The following TRHDE variants were observed in gnomAD, a reference collection of about 807,000 sequenced individuals.
TRHDE encodes the protein thyrotropin releasing hormone degrading enzyme.
A neutral mutation model predicts 125.7 loss-of-function variants in TRHDE; 72 were observed. The ratio of observed to expected loss-of-function variants is 0.57; its 90% CI spans 0.47 to 0.70. The LOEUF (loss-of-function observed/expected upper bound fraction) is 0.70. Among genes scored for constraint, TRHDE ranks in the 30% least tolerant of loss-of-function variants. TRHDE has a pLI of 0.00. For synonymous variants in TRHDE, 509 were observed against 509.1 expected (o/e 1.00, Z 0.00); for missense variants, 1,110 against 1,327.1 (o/e 0.84, Z 2.54).
intron 7 of TRHDE, among the ~76,000 whole-genome samples, chr12:72,556,145 A>G (rs1869911513): frequency 6.6e-6 from 1 of 152,204 alleles, no homozygotes; most frequent in African/African-American, 2.4e-5. Context: ...GATGTACTAA[A>G]TAGAATTTAG....
chr12:72,415,707 C>A (rs1362331188), intron 3 of TRHDE, among the ~76,000 whole-genome samples: 1 of 151,910 alleles, frequency 6.6e-6, no homozygotes, highest in African/African-American at 2.4e-5. Flanking sequence ...CACACTGTTG[C>A]AGATGATAGG....
chr12:72,630,562 C>T (rs1048304346), intron 15 of TRHDE, among the ~76,000 whole-genome samples: 5 of 151,788 alleles, frequency 3.3e-5, no homozygotes, highest in Non-Finnish European at 5.9e-5. Flanking sequence ...CACACACCTT[C>T]AGTCTCTGCC....
chr12:72,408,851 A>G (rs1263591049), intron 3 of TRHDE, among the ~76,000 whole-genome samples: 1 of 152,174 alleles, frequency 6.6e-6, no homozygotes, highest in African/African-American at 2.4e-5. Flanking sequence ...ATGAAAAAAT[A>G]TATAAAAGAG....
At chr12:72,248,883 T>A (rs540937016) in intron 2 of TRHDE, among the ~76,000 whole-genome samples, 2 of 152,250 alleles carry the variant, frequency 1.3e-5, no homozygotes, top group Non-Finnish European at 2.9e-5. Flanking sequence ...GAAACCCTCA[T>A]TGATAGATCT....
At chr12:72,616,873 T>C (rs188354801) in intron 12 of TRHDE, among the ~76,000 whole-genome samples, 1 of 152,252 alleles carries the variant, frequency 6.6e-6, no homozygotes, top group East Asian at 1.9e-4. Context: ...ATCACCACAC[T>C]AATTAATATT....
At chr12:72,233,151 C>T (rs1183961493) in intron 2 of TRHDE, among the ~76,000 whole-genome samples, 2 of 152,176 alleles carry the variant, frequency 1.3e-5, no homozygotes, top group Non-Finnish European at 2.9e-5. Context: ...CTGTTATACA[C>T]ACAACCTTTA....
In TRHDE at chr12:72,272,793, C is replaced by G. The variant is rs765009629; in HGVS notation, c.150C>G (p.Asp50Glu). Reference sequence around the variant, plus strand: ...TCGCAGCCGCGATGGGGGAAGACGACGCCGCGCTTCGGGCTGGCAGCAGGG... The same window carrying G: ...TCGCAGCCGCGATGGGGGAAGACGAGGCCGCGCTTCGGGCTGGCAGCAGGG... ...SPFAAAMGED[D>E]AALRAGSRGL... The change falls in exon 1 of 19, where the codon GAC becomes GAG. Residue 50 changes from aspartate (D) to glutamate (E), a missense_variant. Asp to Glu is a conservative substitution (Grantham distance 45, BLOSUM62 2). This residue lies in a region of TRHDE where 248 missense variants were observed against 240.8 expected (regional missense o/e 1.03). Coordinates refer to ENST00000261180, the MANE Select transcript of TRHDE (RefSeq NM_013381.3). This position sits in a 1 kb window ranked among gnomAD's most constrained non-coding sequence, Gnocchi z 6.7. 1 of 1,559,860 alleles carries G rather than the reference C, an allele frequency of 6.4e-7. No homozygotes were observed. Among genetic ancestry groups the G allele is most frequent in the East Asian group, 2.3e-5 (1 of 43,284 alleles).
At chr12:72,192,626 T>C (rs1877363125) in intron 2 of TRHDE, among the ~76,000 whole-genome samples, 1 of 152,136 alleles carries the variant, frequency 6.6e-6, no homozygotes, top group Non-Finnish European at 1.5e-5. Flanking sequence ...TAGCAAGACC[T>C]GGATTTGAAG....
chr12:72,548,895 A>G (rs867831237), intron 7 of TRHDE, among the ~76,000 whole-genome samples: 2 of 151,922 alleles, frequency 1.3e-5, no homozygotes, highest in Middle Eastern at 3.4e-3. Flanking sequence ...TAAGCTTGAT[A>G]TAAACTCAAA....
intron 1 of TRHDE, among the ~76,000 whole-genome samples, chr12:72,102,930 C>T (rs577511361): frequency 5.3e-5 from 8 of 152,206 alleles, no homozygotes; most frequent in Non-Finnish European, 8.8e-5. Flanking sequence ...TTGGGCAGCC[C>T]GTATCCAATG....
intron 3 of TRHDE, among the ~76,000 whole-genome samples, chr12:72,438,440 T>A (rs941919174): frequency 6.6e-6 from 1 of 152,018 alleles, no homozygotes; most frequent in South Asian, 2.1e-4. Flanking sequence ...CCAACACTTA[T>A]CTTTCAACTT....
At chr12:72,453,816 A>G (rs1203539803) in intron 3 of TRHDE, among the ~76,000 whole-genome samples, 1 of 152,192 alleles carries the variant, frequency 6.6e-6, no homozygotes, top group East Asian at 1.9e-4. Context: ...GCCCGGGTAC[A>G]GCTCAGACCA....
chr12:72,614,441 T>G (rs894378134), intron 12 of TRHDE, among the ~76,000 whole-genome samples: 10 of 151,248 alleles, frequency 6.6e-5, no homozygotes, highest in Admixed American at 1.3e-4. Flanking sequence ...GGATTTCCAA[T>G]CTGTACCGTA....
intron 3 of TRHDE, among the ~76,000 whole-genome samples, chr12:72,390,235 C>G (rs1300085878): frequency 6.6e-6 from 1 of 152,134 alleles, no homozygotes; most frequent in Admixed American, 6.5e-5. Context: ...TATTTTCTAA[C>G]CAGAACAGCT....
intron 6 of TRHDE, among the ~76,000 whole-genome samples, chr12:72,540,200 T>C (rs1043364633): frequency 6.6e-6 from 1 of 151,752 alleles, no homozygotes; most frequent in African/African-American, 2.4e-5. Flanking sequence ...TAGTTAAACA[T>C]AGAAGAGTGC....
At chr12:72,266,128 A>T (rs1360472043) in intron 2 of TRHDE, among the ~76,000 whole-genome samples, 1 of 152,062 alleles carries the variant, frequency 6.6e-6, no homozygotes, top group African/African-American at 2.4e-5. Context: ...TTTATTATTA[A>T]ATGAAAGAAT....
chr12:72,434,428 AC>A (rs1201831535), intron 3 of TRHDE, among the ~76,000 whole-genome samples: 1 of 150,554 alleles, frequency 6.6e-6, no homozygotes, highest in East Asian at 2.0e-4. Context: ...TATGTCTTTG[AC>A]CAACTTCCAA....
At chr12:72,382,492 T>G (rs1388062521) in intron 3 of TRHDE, among the ~76,000 whole-genome samples, 4 of 152,184 alleles carry the variant, frequency 2.6e-5, no homozygotes, top group African/African-American at 4.8e-5. Context: ...GAGCTGTTTC[T>G]GCTGAAGTGA....
chr12:72,457,710 G>T (rs1875927133), intron 3 of TRHDE, among the ~76,000 whole-genome samples: 1 of 152,132 alleles, frequency 6.6e-6, no homozygotes, highest in African/African-American at 2.4e-5. Context: ...TACAGCTTAT[G>T]CTAAGAGGAA....
Sources: gnomAD v4.1 joint callset for allele counts (sites outside exome capture counted in the v4.1 genomes callset) on GRCh38, gnomAD v4.1.1 for gene constraint, gnomAD v4.1.1 regional missense constraint, Gnocchi (gnomAD v3.1) non-coding constraint, MANE v1.5 for transcripts, NCBI Gene and HGNC (gene_info 2026-07-23, HGNC 2026-07-21) for gene names.